Variants in HHIP observed in about 807,000 individuals in gnomAD.
The protein encoded by HHIP is hedgehog-interacting protein.
HHIP carries 12 observed loss-of-function variants against 74.0 expected under a neutral mutation model. The ratio of observed to expected loss-of-function variants is 0.16; its 90% confidence interval spans 0.10 to 0.26. The LOEUF is 0.26. Among genes scored for constraint, HHIP ranks in the 10% least tolerant of loss-of-function variants. HHIP has a pLI of 1.00. For synonymous variants in HHIP, 309 were observed against 311.6 expected, an observed-to-expected ratio of 0.99 and a Z score of 0.09; for missense variants, 788 against 845.0, an observed-to-expected ratio of 0.93 and a Z score of 0.84.
At chr4:144,660,572 T>C (rs1332166660) in intron 4 of HHIP, among the ~76,000 whole-genome samples, 1 of 152,032 alleles carries the variant, frequency 6.6e-6, no homozygotes, top group African/African-American at 2.4e-5. Flanking sequence ...GTTATCCTTT[T>C]CATTTCTTAA....
chr4:144,683,350 AAG>A (rs1729397678), intron 4 of HHIP, among the ~76,000 whole-genome samples: 5 of 152,176 alleles, frequency 3.3e-5, no homozygotes, highest in African/African-American at 7.2e-5. Flanking sequence ...GTATTTTATG[AAG>A]AGTTTCTGAA....
chr4:144,658,490 T>C (rs890198844), intron 2 of HHIP, among the ~76,000 whole-genome samples: 1 of 151,934 alleles, frequency 6.6e-6, no homozygotes, highest in Non-Finnish European at 1.5e-5. Flanking sequence ...TGCCTCAGCC[T>C]CCCGAATAGC....
In HHIP at chr4:144,727,644, T is replaced by C. The variant is rs540666404; in HGVS notation, c.1761-7097T>C. On this transcript the variant is annotated intron_variant, in intron 11 of 12. Transcript: ENST00000296575. Reference sequence around the variant, plus strand: ...TATCTAAAAGCACATGACATTATTATTTAGTTTCATTAATCTTTTCTCCTA... The same window carrying C: ...TATCTAAAAGCACATGACATTATTACTTAGTTTCATTAATCTTTTCTCCTA... Among the ~76,000 whole-genome samples the C allele has an allele frequency of 3.9e-5, 6 of 152,336 alleles. No homozygotes were observed. The East Asian group carries it at 1.2e-3, about 29-fold the overall frequency.
chr4:144,738,038 G>T lies in HHIP; in HGVS notation c.*81G>T. ...ATTAAAAAAAAAAGACTGTTATCCTGCTACACACTCCTGTGATTTCATTCT... is the reference window on the plus strand; with the variant it reads ...ATTAAAAAAAAAAGACTGTTATCCTTCTACACACTCCTGTGATTTCATTCT... On this transcript the variant is annotated 3_prime_UTR_variant, in exon 13 of 13. Transcript: ENST00000296575. The T allele has an allele frequency of 6.9e-7, 1 of 1,443,330 alleles. No homozygotes were observed. The highest frequency in any genetic ancestry group is 9.1e-7 in the Non-Finnish European group (1 of 1,101,798). 89.4% of individuals were successfully genotyped at this position (1,443,330 alleles called of 1,614,324 possible).
chr4:144,713,649 T>G (rs1730361913), intron 8 of HHIP, among the ~76,000 whole-genome samples: 1 of 152,170 alleles, frequency 6.6e-6, no homozygotes, highest in East Asian at 1.9e-4. Flanking sequence ...GACTTTGTTA[T>G]CCACACAACT....
In HHIP at chr4:144,714,234, C is replaced by T. The variant is rs777116239; in HGVS notation, c.1433C>T (p.Pro478Leu). The change falls in exon 9 of 13, where the codon CCA becomes CTA. Residue 478 changes from proline to leucine, a missense_variant. Coordinates refer to ENST00000296575, the MANE Select transcript of HHIP (RefSeq NM_022475.3). ...CTATGTTTCTTTCCAGAAAGTGAGC[C>T]ATCACTTTTAGAATTCAAGCCATTC... The part of the protein sequence containing the change: ...IIKGKDYESE[P>L]SLLEFKPFSN... The T allele has an allele frequency of 1.2e-6, 2 of 1,611,882 alleles. No individual in the cohort carries two copies. Among genetic ancestry groups the T allele is most frequent in the Admixed American group, 1.7e-5 (1 of 59,924 alleles).
At chr4:144,668,853 C>T (rs6537304) in intron 4 of HHIP, among the ~76,000 whole-genome samples, 85,068 of 151,926 alleles carry the variant, frequency 0.56, 24,124 homozygotes, top group South Asian at 0.75. Flanking sequence ...ATCACACTGA[C>T]AAATTTTTTA....
Position 144,740,957 on chromosome 4 carries a change from A to G in HHIP, c.*3000A>G, listed in dbSNP as rs1411910980. 1 of 152,120 alleles carries G rather than the reference A, an allele frequency of 6.6e-6. No individual in the cohort carries two copies. The highest frequency in any genetic ancestry group is 1.9e-4 in the East Asian group (1 of 5,202). The allele number at this position is 152,120 out of a possible 1,614,324, so 9.4% of individuals were successfully genotyped here. On this transcript the variant is annotated 3_prime_UTR_variant, in exon 13 of 13. Coordinates refer to ENST00000296575, the MANE Select transcript of HHIP (RefSeq NM_022475.3). ...ACCTTTCTACTACTGTTTCTGCCAC[A>G]CTGTTGTCCTGGTTCATAGAACCTT... is the stretch of plus-strand genomic sequence containing the variant.
chr4:144,736,304 T>C lies in HHIP; in HGVS notation c.1909+1415T>C, dbSNP rs574213844. On this transcript the variant is annotated intron_variant, in intron 12 of 12. Coordinates refer to ENST00000296575, the MANE Select transcript of HHIP (RefSeq NM_022475.3). The stretch of plus-strand genomic sequence containing the variant: ...GCGCCCACCACCATGCCCTCCTAAT[T>C]TTTGTATTTATAGTGGAGATGGGTT... Among the ~76,000 whole-genome samples, 35 of 151,974 alleles carry C rather than the reference T, an allele frequency of 2.3e-4. No homozygotes were observed. In the South Asian group the frequency reaches 7.3e-3, roughly 32 times the overall value.
At position 144,742,892 on chromosome 4, in the gene HHIP, T is replaced by G. The variant is rs1731292050; in HGVS notation, c.*4935T>G. The G allele has an allele frequency of 1.0e-3, 2 of 1,962 alleles. No individual in the cohort carries two copies. The highest frequency in any genetic ancestry group is 0.017 in the Non-Finnish European group (2 of 118). The allele number at this position is 1,962 out of a possible 1,614,324, so 0.1% of individuals were successfully genotyped here. A position where few individuals can be genotyped will look rare whatever the true frequency, so the allele number is the denominator to read the frequency against. ...TATATCTTTTTATATATATCTTATATATATATCTTTTTATATATATCTTAT... is the reference window on the plus strand; with the variant it reads ...TATATCTTTTTATATATATCTTATAGATATATCTTTTTATATATATCTTAT... On this transcript the variant is annotated 3_prime_UTR_variant, in exon 13 of 13. Coordinates refer to ENST00000296575, the MANE Select transcript of HHIP (RefSeq NM_022475.3).
chr4:144,684,689 T>C (rs1341722396), intron 4 of HHIP, among the ~76,000 whole-genome samples: 1 of 152,224 alleles, frequency 6.6e-6, no homozygotes, highest in Non-Finnish European at 1.5e-5. Context: ...ATTATAGTCC[T>C]ATTTGAGATT....
chr4:144,734,941 G>C, intron 12 of HHIP, 52 bp downstream of exon 12: 1 of 1,520,512 alleles, frequency 6.6e-7, no homozygotes, highest in Non-Finnish European at 9.0e-7. Flanking sequence ...CCAATCCTTA[G>C]GTACTCAAGA....
At chr4:144,702,477 T>C (rs755600726) in intron 4 of HHIP, among the ~76,000 whole-genome samples, 6 of 152,218 alleles carry the variant, frequency 3.9e-5, no homozygotes, top group Non-Finnish European at 8.8e-5. Flanking sequence ...TTATTTCCTC[T>C]GAAACAACTT....
chr4:144,663,980 G>T (rs753101792), intron 4 of HHIP, among the ~76,000 whole-genome samples: 4 of 152,202 alleles, frequency 2.6e-5, no homozygotes, highest in Non-Finnish European at 5.9e-5. Flanking sequence ...ACTTGGCAGG[G>T]TGGCCCCTCA....
chr4:144,706,928 T>A (rs1439241749), intron 5 of HHIP, among the ~76,000 whole-genome samples, 159 bp from the exon 6 acceptor site: 1 of 152,226 alleles, frequency 6.6e-6, no homozygotes, highest in Admixed American at 6.5e-5. Context: ...GAAAATAATG[T>A]GATTTTCCAG....
intron 1 of HHIP, among the ~76,000 whole-genome samples, chr4:144,649,113 T>C (rs970305229): frequency 2.6e-5 from 4 of 152,178 alleles, no homozygotes; most frequent in Non-Finnish European, 4.4e-5. Context: ...TATAATAAAC[T>C]TCAGTGTTTC....
intron 11 of HHIP, among the ~76,000 whole-genome samples, chr4:144,730,150 A>G (rs971117882): frequency 6.6e-6 from 1 of 152,222 alleles, no homozygotes. Context: ...GATGTTATAA[A>G]TAACTTATGC....
chr4:144,735,108 T>C (rs1731075382), intron 12 of HHIP, among the ~76,000 whole-genome samples: 1 of 152,222 alleles, frequency 6.6e-6, no homozygotes, highest in Admixed American at 6.5e-5. Flanking sequence ...ATTATAAATA[T>C]ACAAAACCTT....
chr4:144,733,388 C>T (rs1731014766), intron 11 of HHIP, among the ~76,000 whole-genome samples: 1 of 152,112 alleles, frequency 6.6e-6, no homozygotes, highest in African/African-American at 2.4e-5. Flanking sequence ...CTAGGGAAGC[C>T]ACCGTACATT....
Sources: allele counts gnomAD v4.1 joint callset (sites outside exome capture counted in the v4.1 genomes callset), GRCh38; gene constraint gnomAD v4.1.1; transcripts MANE v1.5; gene names NCBI Gene and HGNC (gene_info 2026-07-23, HGNC 2026-07-21).